The following INPP5B variants were observed in gnomAD, a reference collection of about 807,000 sequenced individuals.
INPP5B encodes inositol polyphosphate-5-phosphatase B.
INPP5B carries 90 observed loss-of-function variants against 118.5 expected under a neutral mutation model. That is an observed-to-expected ratio of 0.76 (90% CI 0.64 to 0.90). INPP5B has a LOEUF of 0.90. INPP5B is among the 40% of genes least tolerant of loss of function. The probability of loss-of-function intolerance (pLI) is 0.00; values close to 1 mark genes in which losing one functional copy is unlikely to be tolerated. For missense variants in INPP5B, 984 were observed against 1,125.6 expected (o/e 0.87, Z 1.80); for synonymous variants, 385 against 418.9 (o/e 0.92, Z 0.99).
Position 37,885,660 on chromosome 1 carries a change from G to C in INPP5B, c.1297C>G (p.Pro433Ala), listed in dbSNP as rs764046456. 5 of 1,613,754 alleles carry C rather than the reference G, an allele frequency of 3.1e-6. No individual in the cohort carries two copies. The highest frequency in any genetic ancestry group is 3.4e-6 in the Non-Finnish European group (4 of 1,179,992). Residue 433 changes from proline to alanine, a missense_variant, in exon 13 of 24, where the codon CCT becomes GCT. Around this residue, in one of 2 missense-constraint regions of INPP5B, gnomAD observed 634 missense variants for 791.0 expected, o/e 0.80. Transcript: ENST00000373024. ...QFCQPDPSLPPLTISNHDVIL... is the reference protein window; with the variant it reads ...QFCQPDPSLPALTISNHDVIL... ...CACTCATGGTTGCTGATGGTGAGAG[G>C]GGGAAGGCTTGGGTCAGGCTGACAA...
intron 5 of INPP5B, among the ~76,000 whole-genome samples, chr1:37,942,729 C>G (rs1238485078): frequency 1.3e-5 from 2 of 152,068 alleles, no homozygotes; most frequent in East Asian, 3.9e-4. Flanking sequence ...GCCAACATGG[C>G]AAAACCCCGC....
chr1:37,921,480 C>A (rs534103021), intron 7 of INPP5B, among the ~76,000 whole-genome samples: 1 of 152,248 alleles, frequency 6.6e-6, no homozygotes, highest in East Asian at 1.9e-4. Flanking sequence ...GTTTAGTTTT[C>A]TTTTTTCATT....
intron 7 of INPP5B, among the ~76,000 whole-genome samples, chr1:37,926,841 A>C (rs1281292678): frequency 6.6e-6 from 1 of 152,176 alleles, no homozygotes; most frequent in African/African-American, 2.4e-5. Context: ...TTTCTGAATA[A>C]GAGCAACTTC....
At position 37,889,556 on chromosome 1, in the gene INPP5B, C is replaced by A; in HGVS notation, c.797+1G>T. 6.2e-7 allele frequency: 1 copy of A among 1,608,306 alleles called. No homozygotes were observed. The highest frequency in any genetic ancestry group is 8.5e-7 in the Non-Finnish European group (1 of 1,177,248). ...AAACATCCTAGAACCCAGTTAGCTA[C>A]CTGAAGTTCTGGATATAGGTGTAAT... On this transcript the variant is annotated splice_donor_variant, in intron 9 of 23. Coordinates refer to ENST00000373024, the MANE Select transcript of INPP5B (RefSeq NM_005540.3). LOFTEE classifies it high-confidence loss of function.
rs1293118352 is a variant in INPP5B at position 37,861,776 on chromosome 1, C to T, written c.*539G>A. The stretch of plus-strand genomic sequence containing the variant: ...AAAGGCCGGGCGTGGTGGCTCACAT[C>T]TGTAATCCTAGCACTTGGGGAGGCC... On this transcript the variant is annotated 3_prime_UTR_variant, in exon 24 of 24. Coordinates refer to ENST00000373024, the MANE Select transcript of INPP5B (RefSeq NM_005540.3). 6.6e-6 allele frequency: 1 copy of T among 151,148 alleles called. No individual in the cohort carries two copies. The highest frequency in any genetic ancestry group is 2.4e-5 in the African/African-American group (1 of 40,838). 9.4% of individuals were successfully genotyped at this position (151,148 alleles called of 1,614,324 possible).
Position 37,891,366 on chromosome 1 carries a change from C to T in INPP5B, c.621G>A (p.Leu207=). The part of the protein sequence containing the change: ...SSRGQDKPES[L]QPRQNKSKSE... ...AGGGAGAGTTGCATTACCTTGGTTG[C>T]AAGCTTTCTGGTTTATCTTGACCCC... Residue 207 remains leucine, a synonymous_variant, in exon 8 of 24, where the codon TTG becomes TTA. Coordinates refer to ENST00000373024, the MANE Select transcript of INPP5B (RefSeq NM_005540.3). 1 of 1,613,528 alleles carries T rather than the reference C, an allele frequency of 6.2e-7. No homozygotes were observed. Among genetic ancestry groups the T allele is most frequent in the Admixed American group, 1.7e-5 (1 of 60,014 alleles).
At chr1:37,922,526 T>G (rs1645093491) in intron 7 of INPP5B, among the ~76,000 whole-genome samples, 1 of 150,078 alleles carries the variant, frequency 6.7e-6, no homozygotes, top group Admixed American at 6.6e-5. Flanking sequence ...AAACCCCATC[T>G]CTACTAAAAA....
At chr1:37,940,990 C>T (rs560547225) in intron 5 of INPP5B, among the ~76,000 whole-genome samples, 192 bp from the exon 6 acceptor site, 2 of 152,196 alleles carry the variant, frequency 1.3e-5, no homozygotes, top group South Asian at 4.2e-4. Flanking sequence ...AACATCATCC[C>T]CTCTTTATAC....
chr1:37,898,610 G>A (rs912260348), intron 7 of INPP5B, among the ~76,000 whole-genome samples: 6 of 151,784 alleles, frequency 4.0e-5, no homozygotes, highest in African/African-American at 9.7e-5. Context: ...CAGGAGAATG[G>A]TGTGAACCCA....
intron 6 of INPP5B, among the ~76,000 whole-genome samples, chr1:37,937,437 G>T (rs1482933333): frequency 6.6e-6 from 1 of 152,168 alleles, no homozygotes; most frequent in African/African-American, 2.4e-5. Context: ...TTCAAGACTA[G>T]CCTGGCCAAC....
Position 37,889,688 on chromosome 1 carries a change from A to G in INPP5B, c.666T>C (p.Val222=), listed in dbSNP as rs1399112824. The change falls in exon 9 of 24, where the codon GTT becomes GTC. Residue 222 remains valine, a synonymous_variant. Transcript: ENST00000373024. ...CCGACACTGTGATAGTGGAGGAGCG[A>G]ACCATGTCAGTAATTTCGGACTTGG... The part of the protein sequence containing the change: ...NKSKSEITDM[V]RSSTITVSDK... 5.6e-6 allele frequency: 9 copies of G among 1,612,786 alleles called. No individual in the cohort carries two copies. Among genetic ancestry groups the G allele is most frequent in the South Asian group, 4.4e-5 (4 of 90,706 alleles).
chr1:37,862,150 G>C lies in INPP5B; in HGVS notation c.*165C>G. 1.7e-6 allele frequency: 1 copy of C among 586,414 alleles called. No individual in the cohort carries two copies. Among genetic ancestry groups the C allele is most frequent in the Non-Finnish European group, 3.1e-6 (1 of 325,202 alleles). The allele number at this position is 586,414 out of a possible 1,614,324, so 36.3% of individuals were successfully genotyped here. A position where few individuals can be genotyped will look rare whatever the true frequency, so the allele number is the denominator to read the frequency against. ...CCGTGTCTTCACGACTCACAGCGCT[G>C]AGTGTGCTAACCAATGGTGGGCTTA... is the stretch of plus-strand genomic sequence containing the variant. On this transcript the variant is annotated 3_prime_UTR_variant, in exon 24 of 24. Coordinates refer to ENST00000373024, the MANE Select transcript of INPP5B (RefSeq NM_005540.3).
intron 23 of INPP5B, among the ~76,000 whole-genome samples, chr1:37,863,484 C>T (rs980488035): frequency 6.6e-6 from 1 of 151,996 alleles, no homozygotes; most frequent in African/African-American, 2.4e-5. Context: ...CACTGCACTC[C>T]AGCCTGGCGA....
intron 7 of INPP5B, among the ~76,000 whole-genome samples, chr1:37,918,530 G>A (rs1375320567): frequency 6.6e-6 from 1 of 152,146 alleles, no homozygotes; most frequent in Non-Finnish European, 1.5e-5. Context: ...TAAGTTCTCA[G>A]TAGTCATTTC....
Position 37,874,057 on chromosome 1 carries a change from A to G in INPP5B, c.1887T>C (p.Pro629=). 6.2e-7 allele frequency: 1 copy of G among 1,608,100 alleles called. No homozygotes were observed. The highest frequency in any genetic ancestry group is 8.5e-7 in the Non-Finnish European group (1 of 1,175,414). ...ACTGCTTACAGTAAGACTCTTCATC[A>G]GGCTTGTTGATGAATTCAAAATGAC... ...VPCHFEFINK[P]DEESYCKQWL... The change falls in exon 18 of 24, where the codon CCT becomes CCC. Residue 629 remains proline, a synonymous_variant. Transcript: ENST00000373024.
intron 7 of INPP5B, among the ~76,000 whole-genome samples, chr1:37,919,710 G>A (rs1179585309): frequency 6.6e-6 from 1 of 152,130 alleles, no homozygotes; most frequent in Admixed American, 6.6e-5. Flanking sequence ...AAGCCGAGGT[G>A]GGCAGATCAC....
chr1:37,927,816 C>T (rs756789268), intron 7 of INPP5B, among the ~76,000 whole-genome samples: 23 of 152,114 alleles, frequency 1.5e-4, no homozygotes, highest in Non-Finnish European at 3.1e-4. Context: ...GGATTACAGG[C>T]GTGAGCCACT....
rs1557638621 is a variant in INPP5B, at chr1:37,880,236, A to C, written c.1432-42T>G. 9 of 1,458,098 alleles carry C rather than the reference A, an allele frequency of 6.2e-6. No individual in the cohort carries two copies. The East Asian group carries it at 2.1e-4, about 33-fold the overall frequency. The allele number at this position is 1,458,098 out of a possible 1,614,324, so 90.3% of individuals were successfully genotyped here. On this transcript the variant is annotated intron_variant, in intron 14 of 23. Coordinates refer to ENST00000373024, the MANE Select transcript of INPP5B (RefSeq NM_005540.3). ...GAGAAAAAAAAATATCAGAATAAAAAGGTCAAACTTTGAATTAGTGGAGAA... is the reference window on the plus strand; with the variant it reads ...GAGAAAAAAAAATATCAGAATAAAACGGTCAAACTTTGAATTAGTGGAGAA...
chr1:37,871,007 A>G (rs1229265814), intron 19 of INPP5B, among the ~76,000 whole-genome samples: 1 of 149,000 alleles, frequency 6.7e-6, no homozygotes, highest in Non-Finnish European at 1.5e-5. Flanking sequence ...ATATAAAAAA[A>G]TTAGCTGGGC....
Sources: allele counts gnomAD v4.1 joint callset (sites outside exome capture counted in the v4.1 genomes callset), GRCh38; gene constraint gnomAD v4.1.1; regional missense constraint gnomAD v4.1.1; transcripts MANE v1.5; gene names NCBI Gene and HGNC (gene_info 2026-07-23, HGNC 2026-07-21).